CDH7: variants seen among roughly 807,000 people sequenced by gnomAD.
The protein encoded by CDH7 is cadherin-7.
Under a neutral mutation model 71.8 loss-of-function variants are expected in CDH7, and 25 were observed. That is an observed-to-expected ratio of 0.35 (90% CI 0.25 to 0.49). The LOEUF is 0.49. CDH7 is among the 20% of genes least tolerant of loss of function. The probability of loss-of-function intolerance (pLI) is 0.99; values close to 1 mark genes in which losing one functional copy is unlikely to be tolerated. For synonymous variants in CDH7, 381 were observed against 363.8 expected, an observed-to-expected ratio of 1.05 and a Z score of -0.54; for missense variants, 862 against 974.6, an observed-to-expected ratio of 0.88 and a Z score of 1.54.
At chr18:65,781,906 T>TC (rs1568181869) in intron 2 of CDH7, among the ~76,000 whole-genome samples, 9 of 46,758 alleles carry the variant, frequency 1.9e-4, no homozygotes, top group Non-Finnish European at 3.5e-4. Context: ...CTCTCTATCT[T>TC]TCTCTCTTTC....
intron 1 of CDH7, among the ~76,000 whole-genome samples, chr18:65,755,209 A>G (rs1436620552): frequency 6.6e-6 from 1 of 152,228 alleles, no homozygotes; most frequent in Admixed American, 6.5e-5. Context: ...TACTCATTAC[A>G]TACAGTTATG....
At chr18:65,790,004 C>T (rs192886895) in intron 2 of CDH7, among the ~76,000 whole-genome samples, 22 of 151,262 alleles carry the variant, frequency 1.5e-4, no homozygotes, top group East Asian at 7.9e-4. Flanking sequence ...CCAAGGCAGA[C>T]GGATCACGAG....
chr18:65,842,211 C>G (rs1912758646), intron 6 of CDH7, among the ~76,000 whole-genome samples: 2 of 151,874 alleles, frequency 1.3e-5, no homozygotes, highest in Admixed American at 1.3e-4. Context: ...AAAGGAGGCT[C>G]AAGAATTTAT....
chr18:65,865,357 A>G (rs980119759), intron 11 of CDH7: 35 of 152,158 alleles, frequency 2.3e-4, no homozygotes, highest in African/African-American at 8.5e-4. Flanking sequence ...GGATTTGTCA[A>G]AATTTAAGTA....
intron 2 of CDH7, among the ~76,000 whole-genome samples, chr18:65,763,940 A>G (rs957189177): frequency 2.2e-4 from 34 of 152,004 alleles, no homozygotes; most frequent in Admixed American, 1.9e-3. Flanking sequence ...GTAAAGGCCT[A>G]CTGAATTTCT....
At chr18:65,829,291 T>G (rs1403081445) in intron 6 of CDH7, among the ~76,000 whole-genome samples, 1 of 152,034 alleles carries the variant, frequency 6.6e-6, no homozygotes, top group Non-Finnish European at 1.5e-5. Flanking sequence ...GGCTAATTTT[T>G]GTATTTTTAG....
At chr18:65,876,818 C>A (rs1444945082) in intron 11 of CDH7, among the ~76,000 whole-genome samples, 3 of 152,126 alleles carry the variant, frequency 2.0e-5, no homozygotes, top group Non-Finnish European at 4.4e-5. Flanking sequence ...CACTACAATA[C>A]CTAATGCATA....
chr18:65,822,787 A>C (rs1237638971), intron 5 of CDH7, among the ~76,000 whole-genome samples: 1 of 151,986 alleles, frequency 6.6e-6, no homozygotes, highest in African/African-American at 2.4e-5. Flanking sequence ...TCAGTGTTTT[A>C]AAAACCAATC....
At chr18:65,851,887 G>A (rs1432533456) in intron 7 of CDH7, among the ~76,000 whole-genome samples, 2 of 152,250 alleles carry the variant, frequency 1.3e-5, no homozygotes, top group South Asian at 2.1e-4. Flanking sequence ...AGCACAAGGA[G>A]CATTTGGTAA....
intron 4 of CDH7, among the ~76,000 whole-genome samples, chr18:65,818,123 A>C (rs561073674): frequency 6.6e-6 from 1 of 152,202 alleles, no homozygotes; most frequent in Non-Finnish European, 1.5e-5. Context: ...TTTTTAAAAT[A>C]TAATGCGGTA....
At chr18:65,858,186 T>G (rs1913432865) in intron 8 of CDH7, among the ~76,000 whole-genome samples, 1 of 152,106 alleles carries the variant, frequency 6.6e-6, no homozygotes, top group Non-Finnish European at 1.5e-5. Context: ...CTATATTACC[T>G]TCACAGGATT....
chr18:65,835,158 T>C (rs757062774), intron 6 of CDH7, among the ~76,000 whole-genome samples: 2 of 152,088 alleles, frequency 1.3e-5, no homozygotes, highest in Non-Finnish European at 2.9e-5. Flanking sequence ...CCAAGAATGG[T>C]AAGAACAGAG....
Position 65,880,994 on chromosome 18 carries a change from ACTCC to A in CDH7, c.*102_*105del. On this transcript the variant is annotated 3_prime_UTR_variant, in exon 12 of 12. Coordinates refer to ENST00000397968, the MANE Select transcript of CDH7 (RefSeq NM_004361.5). ...AAACCACTACATACAGAAAACAAGAACTCCCCTTGCTGGAGACAGATGGTTGTAA... is the reference window on the plus strand; with the variant it reads ...AAACCACTACATACAGAAAACAAGAACCTTGCTGGAGACAGATGGTTGTAA... 1 of 1,135,746 alleles carries A rather than the reference ACTCC, an allele frequency of 8.8e-7. No homozygotes were observed. The highest frequency in any genetic ancestry group is 2.8e-5 in the Admixed American group (1 of 35,248). 70.4% of individuals were successfully genotyped at this position (1,135,746 alleles called of 1,614,324 possible). A position where few individuals can be genotyped will look rare whatever the true frequency, so the allele number is the denominator to read the frequency against.
Position 65,888,155 on chromosome 18 carries a change from A to G in CDH7, c.*7261A>G, listed in dbSNP as rs1418484889. ...CTATCTTTCAGGCAAATAGACTCCT[A>G]CAATATTCAGTATTGGAGATGTTTA... On this transcript the variant is annotated 3_prime_UTR_variant, in exon 12 of 12. Transcript: ENST00000397968. 2.0e-5 allele frequency: 3 copies of G among 152,170 alleles called. No individual in the cohort carries two copies. Among genetic ancestry groups the G allele is most frequent in the African/African-American group, 7.2e-5 (3 of 41,444 alleles). The allele number at this position is 152,170 out of a possible 1,614,324, so 9.4% of individuals were successfully genotyped here.
At chr18:65,852,772 A>G (rs902066027) in intron 7 of CDH7, among the ~76,000 whole-genome samples, 3 of 152,224 alleles carry the variant, frequency 2.0e-5, no homozygotes, top group Admixed American at 6.5e-5. Context: ...AAGAAGTAAG[A>G]GAAATATAAT....
At chr18:65,800,934 T>A (rs1445447895) in intron 2 of CDH7, among the ~76,000 whole-genome samples, 1 of 152,182 alleles carries the variant, frequency 6.6e-6, no homozygotes, top group Non-Finnish European at 1.5e-5. Context: ...GCATCCTTTT[T>A]GTCCCAACTT....
chr18:65,757,293 A>C (rs1290400998), intron 1 of CDH7, among the ~76,000 whole-genome samples: 2 of 152,196 alleles, frequency 1.3e-5, no homozygotes, highest in African/African-American at 4.8e-5. Flanking sequence ...TTTAACAAAA[A>C]TAATTGGAAC....
chr18:65,811,932 C>T (rs1214083108), intron 3 of CDH7, among the ~76,000 whole-genome samples: 1 of 144,712 alleles, frequency 6.9e-6, no homozygotes, highest in Non-Finnish European at 1.5e-5. Context: ...AATAGTCATG[C>T]TGTTTCATAT....
intron 2 of CDH7, among the ~76,000 whole-genome samples, chr18:65,776,418 AAG>A (rs1221088980): frequency 1.3e-5 from 2 of 150,210 alleles, no homozygotes; most frequent in East Asian, 3.9e-4. Context: ...AGAGAGAGGG[AAG>A]AGAGAGAAAG....
Sources: gnomAD v4.1 joint callset for allele counts (sites outside exome capture counted in the v4.1 genomes callset) on GRCh38, gnomAD v4.1.1 for gene constraint, MANE v1.5 for transcripts, NCBI Gene and HGNC (gene_info 2026-07-23, HGNC 2026-07-21) for gene names.